Variants in HSPA14 observed in about 807,000 individuals in gnomAD.
HSPA14 encodes heat shock 70 kDa protein 14.
HSPA14 carries 37 observed loss-of-function variants against 65.5 expected under a neutral mutation model. The observed-to-expected ratio is 0.56, with a 90% CI of 0.43 to 0.74. The LOEUF (loss-of-function observed/expected upper bound fraction) is 0.74, where lower values mean the gene tolerates loss of function less well. Ranked by LOEUF, HSPA14 falls within the 30% of genes least tolerant of loss-of-function variation. The pLI is 0.00. For synonymous variants in HSPA14, 203 were observed against 214.2 expected (o/e 0.95, Z 0.46); for missense variants, 564 against 607.6 (o/e 0.93, Z 0.75).
rs1491517592 is a variant in HSPA14 at position 14,840,040 on chromosome 10, TAA to T, written c.139-34_139-33del. ...AAATAATTTAAAATTACATACATTG[TAA>T]TATATATATATATATATTATTTTTT... On this transcript the variant is annotated intron_variant, in intron 2 of 13. Coordinates refer to ENST00000378372, the MANE Select transcript of HSPA14 (RefSeq NM_016299.4). 629 of 1,301,600 alleles carry T rather than the reference TAA, an allele frequency of 4.8e-4. 4 individuals are homozygous for T. The highest frequency in any genetic ancestry group is 1.2e-3 in the Admixed American group (56 of 45,588). The allele number at this position is 1,301,600 out of a possible 1,614,324, so 80.6% of individuals were successfully genotyped here.
intron 10 of HSPA14, among the ~76,000 whole-genome samples, chr10:14,866,608 C>T (rs1832808878): frequency 6.6e-6 from 1 of 152,022 alleles, no homozygotes; most frequent in South Asian, 2.1e-4. Flanking sequence ...GCTCTTTTTC[C>T]TCAAGAAACT....
intron 10 of HSPA14, among the ~76,000 whole-genome samples, chr10:14,856,264 TCA>T (rs1445002981): frequency 6.6e-6 from 1 of 152,228 alleles, no homozygotes; most frequent in Non-Finnish European, 1.5e-5. Flanking sequence ...TGTTGAATAC[TCA>T]CAATAACTCT....
intron 3 of HSPA14, chr10:14,846,918 C>CT (rs756739616): frequency 7.6e-5 from 75 of 985,168 alleles, no homozygotes; most frequent in Non-Finnish European, 8.9e-5. Flanking sequence ...AAATAAGGTG[C>CT]TATGTATACC....
chr10:14,838,490 C>T (rs1274797816), intron 1 of HSPA14, 31 bp downstream of exon 1: 4 of 1,567,214 alleles, frequency 2.6e-6, no homozygotes, highest in East Asian at 2.3e-5. Context: ...GCTAGGGCTT[C>T]ATGACGGCCA....
In HSPA14 at chr10:14,849,758, T is replaced by C. The variant is rs763081761; in HGVS notation, c.414T>C (p.Asp138=). 2 of 1,613,580 alleles carry C rather than the reference T, an allele frequency of 1.2e-6. No individual in the cohort carries two copies. Among genetic ancestry groups the C allele is most frequent in the South Asian group, 2.2e-5 (2 of 90,920 alleles). ...CTGTATTGGGCTCAGATGCAAATGA[T>C]GTAGTTATTACTGTCCCGTTTGATT... is the stretch of plus-strand genomic sequence containing the variant. The part of the protein sequence containing the change: ...AHSVLGSDAN[D]VVITVPFDFG... The change falls in exon 6 of 14, where the codon GAT becomes GAC. Residue 138 remains aspartate, a synonymous_variant. Transcript: ENST00000378372.
chr10:14,850,071 C>G (rs1026530861), intron 6 of HSPA14, among the ~76,000 whole-genome samples: 8 of 152,142 alleles, frequency 5.3e-5, no homozygotes, highest in African/African-American at 9.6e-5. Flanking sequence ...GTCAGGAGTT[C>G]GAGACCTGCC....
intron 3 of HSPA14, among the ~76,000 whole-genome samples, chr10:14,841,859 A>G (rs1248177226): frequency 6.6e-6 from 1 of 152,082 alleles, no homozygotes; most frequent in Non-Finnish European, 1.5e-5. Context: ...GGTCCAGGTG[A>G]TTTTCCCTCC....
At chr10:14,839,854 C>A in intron 1 of HSPA14, 51 bp from the exon 2 acceptor site, 1 of 1,355,302 alleles carries the variant, frequency 7.4e-7, no homozygotes. Context: ...CACAAATGCA[C>A]ACGTCTGAAT....
intron 1 of HSPA14, among the ~76,000 whole-genome samples, chr10:14,839,682 A>C (rs1334358420): frequency 3.3e-5 from 5 of 152,206 alleles, no homozygotes; most frequent in African/African-American, 1.2e-4. Flanking sequence ...CTTTTGATTC[A>C]ATTGTTGACT....
intron 12 of HSPA14, 59 bp from the exon 13 acceptor site, chr10:14,870,538 A>T: frequency 1.3e-6 from 2 of 1,524,592 alleles, no homozygotes; most frequent in Non-Finnish European, 1.8e-6. Context: ...AATAATTGAT[A>T]CATCAGTTCA....
chr10:14,845,543 A>G, intron 3 of HSPA14: 1 of 984,566 alleles, frequency 1.0e-6, no homozygotes, highest in Non-Finnish European at 1.2e-6. Flanking sequence ...CTGGATTGGA[A>G]TCCTGTCACA....
intron 3 of HSPA14, among the ~76,000 whole-genome samples, chr10:14,841,633 G>A (rs1394298033): frequency 6.6e-6 from 1 of 152,126 alleles, no homozygotes; most frequent in Admixed American, 6.5e-5. Context: ...CTGTTTGAGG[G>A]CACATGGTTA....
intron 9 of HSPA14, among the ~76,000 whole-genome samples, 180 bp downstream of exon 9, chr10:14,854,460 A>G (rs936931600): frequency 6.6e-6 from 1 of 152,188 alleles, no homozygotes; most frequent in Admixed American, 6.5e-5. Context: ...GAGTAATTAC[A>G]TAAGTTGTGA....
At chr10:14,841,213 A>C (rs1833967517) in intron 3 of HSPA14, 1 of 152,190 alleles carries the variant, frequency 6.6e-6, no homozygotes, top group South Asian at 2.1e-4. Context: ...GAGAGAATTC[A>C]ATATTCAGTG....
chr10:14,861,925 C>T (rs185808887), intron 10 of HSPA14, among the ~76,000 whole-genome samples: 2,486 of 151,414 alleles, frequency 0.016, 72 homozygotes, highest in African/African-American at 0.057. Flanking sequence ...GGCAGGAGAA[C>T]CGCTTGAACC....
In HSPA14 at chr10:14,842,838, C is replaced by A; in HGVS notation, c.221+2681C>A. ...CTTGAGGACTCCTGGGATGAATCCT[C>A]GGGTGCAGGTAACTCCCAAGCATGT... On this transcript the variant is annotated intron_variant, in intron 3 of 13. Transcript: ENST00000378372. This position sits in a 1 kb window ranked among gnomAD's most constrained non-coding sequence, Gnocchi z 5.2. The A allele has an allele frequency of 1.3e-6, 2 of 1,530,532 alleles. No individual in the cohort carries two copies. The highest frequency in any genetic ancestry group is 1.2e-5 in the South Asian group (1 of 83,512). 94.8% of individuals were successfully genotyped at this position (1,530,532 alleles called of 1,614,324 possible). A position where few individuals can be genotyped will look rare whatever the true frequency, so the allele number is the denominator to read the frequency against.
chr10:14,856,165 T>C (rs1832691398), intron 10 of HSPA14, among the ~76,000 whole-genome samples: 1 of 152,242 alleles, frequency 6.6e-6, no homozygotes, highest in South Asian at 2.1e-4. Flanking sequence ...CTTTCCAGTA[T>C]ATTTTTTATC....
chr10:14,867,985 CAAA>C, intron 12 of HSPA14, 76 bp downstream of exon 12: 1 of 1,170,206 alleles, frequency 8.5e-7, no homozygotes, highest in Non-Finnish European at 1.2e-6. Context: ...TATCTTAATA[CAAA>C]ATGTGTATAT....
chr10:14,842,664 C>T lies in HSPA14; in HGVS notation c.221+2507C>T. On this transcript the variant is annotated intron_variant, in intron 3 of 13. Coordinates refer to ENST00000378372, the MANE Select transcript of HSPA14 (RefSeq NM_016299.4). This position sits in a 1 kb window ranked among gnomAD's most constrained non-coding sequence, Gnocchi z 5.2. ...AAGCACTGTGATCAGAACTTAGTGGCCTCTGACGCCCCAGGGGAAGAGGGA... is the reference window on the plus strand; with the variant it reads ...AAGCACTGTGATCAGAACTTAGTGGTCTCTGACGCCCCAGGGGAAGAGGGA... 1 of 1,536,244 alleles carries T rather than the reference C, an allele frequency of 6.5e-7. No homozygotes were observed. The highest frequency in any genetic ancestry group is 8.7e-7 in the Non-Finnish European group (1 of 1,146,956).
Sources: gnomAD v4.1 joint callset for allele counts (sites outside exome capture counted in the v4.1 genomes callset) on GRCh38, gnomAD v4.1.1 for gene constraint, Gnocchi (gnomAD v3.1) non-coding constraint, MANE v1.5 for transcripts, NCBI Gene and HGNC (gene_info 2026-07-23, HGNC 2026-07-21) for gene names.